Variants in GLIS3 observed in about 807,000 individuals in gnomAD.
The protein encoded by GLIS3 is zinc finger protein GLIS3.
In GLIS3, 53 loss-of-function variants were observed where a neutral mutation model predicts 78.6. That is an observed-to-expected ratio of 0.67 (90% CI 0.54 to 0.85). The LOEUF is 0.85. GLIS3 is among the 40% of genes least tolerant of loss of function. The pLI, the probability that GLIS3 is intolerant of heterozygous loss-of-function variation, is 0.00. For missense variants in GLIS3, 1,703 were observed against 1,231.1 expected, an observed-to-expected ratio of 1.38 and a Z score of -5.74; for synonymous variants, 684 against 509.9, an observed-to-expected ratio of 1.34 and a Z score of -4.60.
chr9:4,403,579 A>G, the GLIS3 span, among the ~76,000 whole-genome samples: 1 of 152,166 alleles, frequency 6.6e-6, no homozygotes, highest in African/African-American at 2.4e-5. Context: ...ACAAAGTTAT[A>G]AAGTGTAGAG....
intron 2 of GLIS3, among the ~76,000 whole-genome samples, chr9:4,262,076 C>T (rs149633572): frequency 5.3e-5 from 8 of 152,020 alleles, no homozygotes; most frequent in African/African-American, 1.9e-4. Context: ...GAAAGAGACC[C>T]GGTCTAGTCC....
chr9:4,036,174 C>A (rs1276538994), intron 4 of GLIS3, among the ~76,000 whole-genome samples: 1 of 152,216 alleles, frequency 6.6e-6, no homozygotes, highest in African/African-American at 2.4e-5. Flanking sequence ...TTTTTTAACT[C>A]CTCACCAGCA....
intron 2 of GLIS3, among the ~76,000 whole-genome samples, chr9:4,162,066 C>A (rs1190700847): frequency 2.6e-5 from 4 of 152,104 alleles, no homozygotes; most frequent in Non-Finnish European, 5.9e-5. Context: ...TTCCTTGCCC[C>A]TTCCCAGCTT....
chr9:3,957,937 G>C (rs1817258086), intron 4 of GLIS3, among the ~76,000 whole-genome samples: 1 of 152,198 alleles, frequency 6.6e-6, no homozygotes, highest in Non-Finnish European at 1.5e-5. Context: ...CAAACAAAGA[G>C]ATTATCATGG....
chr9:4,004,795 C>T (rs1246678978), intron 4 of GLIS3, among the ~76,000 whole-genome samples: 4 of 152,224 alleles, frequency 2.6e-5, no homozygotes, highest in African/African-American at 4.8e-5. Flanking sequence ...ATCCTTTCAA[C>T]GACCCTGTGA....
intron 6 of GLIS3, among the ~76,000 whole-genome samples, chr9:3,931,071 A>T (rs572517010): frequency 5.3e-5 from 8 of 152,170 alleles, no homozygotes; most frequent in Non-Finnish European, 1.0e-4. Context: ...ATGATCACAG[A>T]TATCAATTTA....
At chr9:3,873,434 G>T (rs1233688170) in intron 8 of GLIS3, among the ~76,000 whole-genome samples, 2 of 152,078 alleles carry the variant, frequency 1.3e-5, no homozygotes, top group Non-Finnish European at 2.9e-5. Flanking sequence ...CAATAAATGG[G>T]ATATATAACA....
At chr9:4,176,361 C>G (rs987824346) in intron 2 of GLIS3, among the ~76,000 whole-genome samples, 3 of 152,144 alleles carry the variant, frequency 2.0e-5, no homozygotes, top group Admixed American at 2.0e-4. Context: ...TCCTCTCCAC[C>G]TATACATGTT....
At chr9:3,938,241 A>G (rs1210810265) in intron 4 of GLIS3, among the ~76,000 whole-genome samples, 1 of 152,206 alleles carries the variant, frequency 6.6e-6, no homozygotes, top group African/African-American at 2.4e-5. Context: ...GAAATACGGA[A>G]CACCTACTGG....
chr9:4,368,206 C>G, the GLIS3 span, among the ~76,000 whole-genome samples: 3 of 152,288 alleles, frequency 2.0e-5, no homozygotes, highest in African/African-American at 7.2e-5. Flanking sequence ...TTAATGTTCT[C>G]AGTATCTCCA....
the GLIS3 span, among the ~76,000 whole-genome samples, chr9:4,359,786 G>C: frequency 6.6e-6 from 1 of 152,082 alleles, no homozygotes. Flanking sequence ...CACTGCCCCG[G>C]TCTCCACTTT....
chr9:4,320,608 A>G (rs1012876935), intron 2 of GLIS3, among the ~76,000 whole-genome samples: 2 of 152,178 alleles, frequency 1.3e-5, no homozygotes, highest in East Asian at 1.9e-4. Context: ...CAGCACTACC[A>G]ATACCACCAT....
the GLIS3 span, among the ~76,000 whole-genome samples, chr9:4,385,637 C>G: frequency 1.4e-5 from 2 of 138,444 alleles, no homozygotes; most frequent in Non-Finnish European, 3.0e-5. Flanking sequence ...TGCACTCCAG[C>G]CTGGGTGACA....
chr9:3,870,782 G>C (rs1820923510), intron 8 of GLIS3, among the ~76,000 whole-genome samples: 1 of 152,250 alleles, frequency 6.6e-6, no homozygotes, highest in African/African-American at 2.4e-5. Flanking sequence ...TGAGGACACA[G>C]AGCCAAACCA....
At chr9:3,839,007 T>G (rs1818547863) in intron 9 of GLIS3, among the ~76,000 whole-genome samples, 1 of 152,194 alleles carries the variant, frequency 6.6e-6, no homozygotes, top group East Asian at 1.9e-4. Context: ...ACATTCAAAC[T>G]TTGAAATCAG....
At chr9:4,112,602 T>C (rs748825165) in intron 4 of GLIS3, among the ~76,000 whole-genome samples, 71 of 152,282 alleles carry the variant, frequency 4.7e-4, no homozygotes, top group Middle Eastern at 3.4e-3. Flanking sequence ...TCAGCCAGGG[T>C]TAAGAACTAC....
chr9:4,331,288 G>A (rs756815303), intron 2 of GLIS3, among the ~76,000 whole-genome samples: 3 of 152,028 alleles, frequency 2.0e-5, no homozygotes, highest in South Asian at 2.1e-4. Flanking sequence ...TCTTTTGTGC[G>A]TGTGTGTCTC....
At chr9:4,418,386 G>A in the GLIS3 span, among the ~76,000 whole-genome samples, 15 of 152,190 alleles carry the variant, frequency 9.9e-5, no homozygotes, top group African/African-American at 3.1e-4. Context: ...GTTAAAATTC[G>A]GATGTTACAG....
chr9:4,283,548 G>A (rs960257286), intron 2 of GLIS3, among the ~76,000 whole-genome samples: 1 of 152,156 alleles, frequency 6.6e-6, no homozygotes. Flanking sequence ...TTACAAGCGT[G>A]AGCCATCGCA....
Sources: allele counts gnomAD v4.1 joint callset (sites outside exome capture counted in the v4.1 genomes callset), GRCh38; gene constraint gnomAD v4.1.1; transcripts MANE v1.5; gene names NCBI Gene and HGNC (gene_info 2026-07-23, HGNC 2026-07-21).